PIEZO2: variants seen among roughly 807,000 people sequenced by gnomAD.
PIEZO2 encodes the protein piezo type mechanosensitive ion channel component 2.
Under a neutral mutation model 337.3 loss-of-function variants are expected in PIEZO2, and 172 were observed. That is an observed-to-expected ratio of 0.51 (90% CI 0.45 to 0.58). PIEZO2 has a LOEUF of 0.58. Ranked by LOEUF, PIEZO2 falls within the 20% of genes least tolerant of loss-of-function variation. The probability of loss-of-function intolerance (pLI) is 0.00; values close to 1 mark genes in which losing one functional copy is unlikely to be tolerated. For synonymous variants in PIEZO2, 1,251 were observed against 1,228.5 expected, an observed-to-expected ratio of 1.02 and a Z score of -0.38; for missense variants, 3,028 against 3,391.3, an observed-to-expected ratio of 0.89 and a Z score of 2.66.
At chr18:10,927,801 C>T (rs1164091119) in intron 3 of PIEZO2, among the ~76,000 whole-genome samples, 2 of 152,062 alleles carry the variant, frequency 1.3e-5, no homozygotes, top group Non-Finnish European at 2.9e-5. Flanking sequence ...CTAGTGCTGT[C>T]TACAACTCGT....
At chr18:10,994,981 A>G (rs1598799636) in intron 2 of PIEZO2, among the ~76,000 whole-genome samples, 4 of 150,102 alleles carry the variant, frequency 2.7e-5, no homozygotes, top group Admixed American at 1.3e-4. Context: ...CTGAGGCAGG[A>G]GAATTGCTTG....
rs959758718 is a variant in PIEZO2 at position 11,125,927 on chromosome 18, C to T, written c.64+22598G>A. Among the ~76,000 whole-genome samples, 2 of 152,218 alleles carry T rather than the reference C, an allele frequency of 1.3e-5. No homozygotes were observed. Among genetic ancestry groups the T allele is most frequent in the African/African-American group, 4.8e-5 (2 of 41,462 alleles). On this transcript the variant is annotated intron_variant, in intron 1 of 55. Coordinates refer to ENST00000674853, the MANE Select transcript of PIEZO2 (RefSeq NM_001378183.1). This position sits in a 1 kb window ranked among gnomAD's most constrained non-coding sequence, Gnocchi z 4.4. ...CTGCCAGGGCAGCTCTAGTGCCCAA[C>T]GGTAGAGGAAGAATGGTGCCTACCA...
chr18:10,959,121 T>C (rs1035573012), intron 3 of PIEZO2, among the ~76,000 whole-genome samples: 9 of 152,180 alleles, frequency 5.9e-5, no homozygotes, highest in Non-Finnish European at 1.3e-4. Flanking sequence ...AAATGTATGC[T>C]TATTAGTAAA....
rs1220882227 is a variant in PIEZO2, at chr18:10,855,913, A to G, written c.704-347T>C. Among the ~76,000 whole-genome samples, 2 of 152,032 alleles carry G rather than the reference A, an allele frequency of 1.3e-5. No homozygotes were observed. Among genetic ancestry groups the G allele is most frequent in the Non-Finnish European group, 2.9e-5 (2 of 68,018 alleles). On this transcript the variant is annotated intron_variant, in intron 6 of 55. Transcript: ENST00000674853. This position sits in a 1 kb window ranked among gnomAD's most constrained non-coding sequence, Gnocchi z 4.9. ...TTTCTACTTCTCCCAAATTTTCAAG[A>G]ATTCATGTATCTGTATGTCTGTTCC... is the stretch of plus-strand genomic sequence containing the variant.
chr18:10,703,025 T>C (rs1433327225), intron 42 of PIEZO2, among the ~76,000 whole-genome samples: 1 of 152,150 alleles, frequency 6.6e-6, no homozygotes, highest in Non-Finnish European at 1.5e-5. Context: ...CTAATGTTTT[T>C]TATTTTTTTG....
Position 10,943,032 on chromosome 18 carries a change from G to A in PIEZO2, c.287-31804C>T, listed in dbSNP as rs2032809972. On this transcript the variant is annotated intron_variant, in intron 3 of 55. Transcript: ENST00000674853. The surrounding 1 kb of genome is among the most constrained non-coding windows in gnomAD (Gnocchi z 4.5). ...GAGTGCACAAAAGTAAAGAACTGGG[G>A]TTTGGGAACCTCCACCTAGATTTCA... Among the ~76,000 whole-genome samples the A allele has an allele frequency of 6.6e-6, 1 of 152,212 alleles. No individual in the cohort carries two copies. The highest frequency in any genetic ancestry group is 2.1e-4 in the South Asian group (1 of 4,830).
intron 16 of PIEZO2, 100 bp from the exon 17 acceptor site, chr18:10,785,057 G>A (rs1343721480): frequency 1.5e-6 from 2 of 1,303,536 alleles, no homozygotes; most frequent in East Asian, 2.5e-5. Flanking sequence ...CTCCTGTCAG[G>A]TCTATCGTTT....
At chr18:10,723,683 C>G (rs1486508297) in intron 36 of PIEZO2, among the ~76,000 whole-genome samples, 1 of 152,102 alleles carries the variant, frequency 6.6e-6, no homozygotes, top group East Asian at 1.9e-4. Context: ...TCCAGGCAGT[C>G]TCTGGGGGGA....
At chr18:10,751,351 G>A (rs1043675355) in intron 28 of PIEZO2, among the ~76,000 whole-genome samples, 3 of 152,184 alleles carry the variant, frequency 2.0e-5, no homozygotes, top group African/African-American at 7.2e-5. Flanking sequence ...TCTGGCAACA[G>A]ATTCCTCACC....
intron 47 of PIEZO2, among the ~76,000 whole-genome samples, chr18:10,693,280 G>A (rs1255363076): frequency 2.0e-5 from 3 of 151,804 alleles, no homozygotes; most frequent in African/African-American, 4.8e-5. Flanking sequence ...CAGCCTTATT[G>A]TAGATTCCAC....
intron 1 of PIEZO2, among the ~76,000 whole-genome samples, chr18:11,072,536 CTATT>C (rs1170162831): frequency 2.0e-5 from 3 of 152,160 alleles, no homozygotes; most frequent in South Asian, 2.1e-4. Flanking sequence ...GTGCATGTAA[CTATT>C]CATTTATGTT....
At chr18:11,013,560 C>T (rs1239721467) in intron 2 of PIEZO2, among the ~76,000 whole-genome samples, 1 of 152,214 alleles carries the variant, frequency 6.6e-6, no homozygotes, top group African/African-American at 2.4e-5. Flanking sequence ...ATAACTAATT[C>T]AAGGTCATCC....
chr18:10,743,484 G>A (rs115969569), intron 31 of PIEZO2, among the ~76,000 whole-genome samples: 188 of 152,254 alleles, frequency 1.2e-3, no homozygotes, highest in African/African-American at 4.0e-3. Flanking sequence ...CCAAGTCTCC[G>A]GAGTGGAGTC....
chr18:10,874,756 A>C (rs79532569), intron 4 of PIEZO2, among the ~76,000 whole-genome samples: 3,174 of 152,302 alleles, frequency 0.021, 108 homozygotes, highest in African/African-American at 0.072. Context: ...CTGAGCTAAA[A>C]AAGTGGATCT....
chr18:10,778,401 C>T (rs559560803), intron 18 of PIEZO2, among the ~76,000 whole-genome samples: 42 of 150,338 alleles, frequency 2.8e-4, no homozygotes, highest in Non-Finnish European at 5.3e-4. Context: ...GGCACCATCC[C>T]GGCTCACTGC....
rs1374453294 is a variant in PIEZO2, at chr18:11,083,439, G to T, written c.65-17217C>A. Among the ~76,000 whole-genome samples, 2 of 152,218 alleles carry T rather than the reference G, an allele frequency of 1.3e-5. No homozygotes were observed. Among genetic ancestry groups the T allele is most frequent in the African/African-American group, 4.8e-5 (2 of 41,452 alleles). On this transcript the variant is annotated intron_variant, in intron 1 of 55. Coordinates refer to ENST00000674853, the MANE Select transcript of PIEZO2 (RefSeq NM_001378183.1). This position sits in a 1 kb window ranked among gnomAD's most constrained non-coding sequence, Gnocchi z 4.4. ...ATCCGAAGGAGTCCAGGTAAGGGCA[G>T]AAATGCTCTCCTCCAGGGAATGATG...
At position 10,762,609 on chromosome 18, in the gene PIEZO2, G is replaced by A. The variant is rs1427237619; in HGVS notation, c.3140C>T (p.Thr1047Ile). 2.0e-6 allele frequency: 3 copies of A among 1,536,954 alleles called. No individual in the cohort carries two copies. Among genetic ancestry groups the A allele is most frequent in the Non-Finnish European group, 2.6e-6 (3 of 1,146,854 alleles). The change falls in exon 23 of 56, where the codon ACA becomes ATA. Residue 1047 changes from threonine to isoleucine, a missense_variant. Physicochemically the swap from Thr to Ile is moderately conservative, Grantham distance 89 (BLOSUM62 -1). Coordinates refer to ENST00000674853, the MANE Select transcript of PIEZO2 (RefSeq NM_001378183.1). ...VNCSLPNENQ[T>I]NIPFNELNKS... ...GTTCAACTCATTAAAGGGGATGTTT[G>A]TTTGATTTTCATTTGGCTAAAAAGA...
chr18:10,693,356 TTGTGTGTGTG>T (rs1174582024), intron 47 of PIEZO2, among the ~76,000 whole-genome samples: 2 of 90,042 alleles, frequency 2.2e-5, no homozygotes, highest in East Asian at 3.1e-4. Flanking sequence ...AATCTGGATT[TTGTGTGTGTG>T]TGTGTGTGTG....
chr18:10,908,015 G>A (rs1016986476), intron 4 of PIEZO2, among the ~76,000 whole-genome samples: 2 of 152,174 alleles, frequency 1.3e-5, no homozygotes, highest in Non-Finnish European at 1.5e-5. Flanking sequence ...TAAACTAATA[G>A]CCCCACAGAG....
Sources: allele counts gnomAD v4.1 joint callset (sites outside exome capture counted in the v4.1 genomes callset), GRCh38; gene constraint gnomAD v4.1.1; non-coding constraint Gnocchi (gnomAD v3.1); transcripts MANE v1.5; gene names NCBI Gene and HGNC (gene_info 2026-07-23, HGNC 2026-07-21).